Variants in ADAM22 observed in about 807,000 individuals in gnomAD.
ADAM22 encodes the protein disintegrin and metalloproteinase domain-containing protein 22.
A neutral mutation model predicts 144.6 loss-of-function variants in ADAM22; 65 were observed. That is an observed-to-expected ratio of 0.45 (90% CI 0.37 to 0.55). The LOEUF (loss-of-function observed/expected upper bound fraction) is 0.55. ADAM22 is among the 20% of genes least tolerant of loss of function. ADAM22 has a pLI of 0.00. For synonymous variants in ADAM22, 391 were observed against 412.6 expected, an observed-to-expected ratio of 0.95 and a Z score of 0.63; for missense variants, 974 against 1,184.9, an observed-to-expected ratio of 0.82 and a Z score of 2.61.
intron 3 of ADAM22, among the ~76,000 whole-genome samples, chr7:88,052,927 T>G (rs1315190782): frequency 6.6e-6 from 1 of 152,248 alleles, no homozygotes; most frequent in Non-Finnish European, 1.5e-5. Context: ...GCATGGACTT[T>G]TATGTTTTAC....
intron 4 of ADAM22, among the ~76,000 whole-genome samples, chr7:88,081,186 A>T (rs1432522773): frequency 6.6e-6 from 1 of 152,238 alleles, no homozygotes; most frequent in Non-Finnish European, 1.5e-5. Flanking sequence ...CTGGTTCAAC[A>T]TACAAAAATC....
At position 88,131,478 on chromosome 7, in the gene ADAM22, T is replaced by C. The variant is rs1240356214; in HGVS notation, c.992+43T>C. On this transcript the variant is annotated intron_variant, in intron 11 of 31. Coordinates refer to ENST00000413139, the MANE Select transcript of ADAM22 (RefSeq NM_001324418.2). ...TGATGTATTACTTTTTTTGATTCCA[T>C]GTTAAATGCTTTATTGTGACTGAAA... 8.2e-6 allele frequency: 13 copies of C among 1,584,778 alleles called. 1 individual carries two copies. The highest frequency in any genetic ancestry group is 4.5e-5 in the East Asian group (2 of 44,546).
intron 22 of ADAM22, among the ~76,000 whole-genome samples, chr7:88,158,953 TATC>T (rs1016027202): frequency 3.3e-5 from 5 of 151,388 alleles, no homozygotes; most frequent in Non-Finnish European, 7.4e-5. Context: ...CCAGGTAAAA[TATC>T]AACAAATCTA....
chr7:88,164,909 G>A (rs915329455), intron 23 of ADAM22, among the ~76,000 whole-genome samples: 1 of 152,038 alleles, frequency 6.6e-6, no homozygotes, highest in Non-Finnish European at 1.5e-5. Context: ...GGAGTGATAT[G>A]GTGAATCAAA....
intron 22 of ADAM22, among the ~76,000 whole-genome samples, chr7:88,160,167 T>TTA (rs1841181838): frequency 6.6e-6 from 1 of 151,814 alleles, no homozygotes; most frequent in East Asian, 1.9e-4. Flanking sequence ...GCCATAAAAA[T>TTA]AATAAAGTAC....
chr7:88,019,425 A>T (rs1797241276), intron 3 of ADAM22, among the ~76,000 whole-genome samples: 1 of 152,130 alleles, frequency 6.6e-6, no homozygotes, highest in South Asian at 2.1e-4. Context: ...CAGTGAGCCG[A>T]GATCATGCCA....
intron 2 of ADAM22, among the ~76,000 whole-genome samples, chr7:87,957,537 G>T (rs1847065520): frequency 6.6e-6 from 1 of 151,936 alleles, no homozygotes; most frequent in Non-Finnish European, 1.5e-5. Flanking sequence ...GGAGATCATT[G>T]TCTTGCAACT....
chr7:88,097,777 A>G (rs1821818933), intron 4 of ADAM22, among the ~76,000 whole-genome samples: 1 of 152,228 alleles, frequency 6.6e-6, no homozygotes, highest in South Asian at 2.1e-4. Flanking sequence ...AACATCAACT[A>G]CAGAATAAGG....
At chr7:88,184,888 G>A (rs956053122) in intron 29 of ADAM22, among the ~76,000 whole-genome samples, 1 of 152,202 alleles carries the variant, frequency 6.6e-6, no homozygotes, top group Non-Finnish European at 1.5e-5. Flanking sequence ...AGCATTCATG[G>A]AATAGCTGTG....
chr7:87,981,534 G>T (rs946360762), intron 3 of ADAM22, among the ~76,000 whole-genome samples: 1 of 152,130 alleles, frequency 6.6e-6, no homozygotes, highest in Non-Finnish European at 1.5e-5. Context: ...AATGGGAGGT[G>T]GTGTGGGGAT....
intron 4 of ADAM22, among the ~76,000 whole-genome samples, chr7:88,081,103 C>G (rs1406723104): frequency 6.6e-6 from 1 of 152,132 alleles, no homozygotes; most frequent in Non-Finnish European, 1.5e-5. Flanking sequence ...AAAATACTGG[C>G]AAACCGAATC....
intron 2 of ADAM22, among the ~76,000 whole-genome samples, chr7:87,940,767 A>G (rs931767533): frequency 5.9e-5 from 9 of 152,332 alleles, no homozygotes; most frequent in East Asian, 1.9e-4. Context: ...AATAGCATTC[A>G]GGCCTAGAAT....
In ADAM22 at chr7:88,202,809, A is replaced by G. The variant is rs1195974218; in HGVS notation, c.*6318A>G. 1.3e-5 allele frequency: 2 copies of G among 152,242 alleles called. No individual in the cohort carries two copies. The highest frequency in any genetic ancestry group is 2.4e-5 in the African/African-American group (1 of 41,464). 9.4% of individuals were successfully genotyped at this position (152,242 alleles called of 1,614,324 possible). A position where few individuals can be genotyped will look rare whatever the true frequency, so the allele number is the denominator to read the frequency against. ...TTATTAGTATTCACTTCGGAAGCTA[A>G]TAAGATACCATGGTTTTCTATGTTA... On this transcript the variant is annotated 3_prime_UTR_variant, in exon 32 of 32. Coordinates refer to ENST00000413139, the MANE Select transcript of ADAM22 (RefSeq NM_001324418.2).
At chr7:88,067,547 G>T (rs1197290253) in intron 3 of ADAM22, among the ~76,000 whole-genome samples, 2 of 152,032 alleles carry the variant, frequency 1.3e-5, no homozygotes, top group Admixed American at 6.6e-5. Context: ...TCATGTCTTG[G>T]TAACTTTTCT....
At chr7:87,938,717 T>A (rs963647848) in intron 2 of ADAM22, among the ~76,000 whole-genome samples, 1 of 152,124 alleles carries the variant, frequency 6.6e-6, no homozygotes, top group Admixed American at 6.5e-5. Flanking sequence ...CGGCACAATC[T>A]CAACTCATGG....
At chr7:88,009,513 A>G (rs1328190029) in intron 3 of ADAM22, among the ~76,000 whole-genome samples, 1 of 152,222 alleles carries the variant, frequency 6.6e-6, no homozygotes, top group Non-Finnish European at 1.5e-5. Context: ...ATCAGGCATC[A>G]TAATTTTTCA....
chr7:88,005,077 T>C (rs1563000804), intron 3 of ADAM22, among the ~76,000 whole-genome samples: 2 of 152,074 alleles, frequency 1.3e-5, no homozygotes, highest in Admixed American at 6.6e-5. Context: ...GGAGGATCGC[T>C]TAAGCCTAGG....
chr7:88,089,597 G>C (rs913990522), intron 4 of ADAM22, among the ~76,000 whole-genome samples: 2 of 152,100 alleles, frequency 1.3e-5, no homozygotes, highest in African/African-American at 4.8e-5. Flanking sequence ...TGAGAAACAT[G>C]CTTTCTGTCT....
intron 3 of ADAM22, among the ~76,000 whole-genome samples, chr7:88,049,378 T>C (rs1359886161): frequency 3.3e-5 from 5 of 152,046 alleles, no homozygotes; most frequent in Non-Finnish European, 7.4e-5. Context: ...TCTTTTCTGT[T>C]TTTTGTTTTT....
Sources: allele counts gnomAD v4.1 joint callset (sites outside exome capture counted in the v4.1 genomes callset), GRCh38; gene constraint gnomAD v4.1.1; transcripts MANE v1.5; gene names NCBI Gene and HGNC (gene_info 2026-07-23, HGNC 2026-07-21).